PPP1R14C: variants seen among roughly 807,000 people sequenced by gnomAD.
PPP1R14C encodes protein phosphatase 1 regulatory inhibitor subunit 14C.
PPP1R14C carries 16 observed loss-of-function variants against 20.4 expected under a neutral mutation model. The observed-to-expected ratio is 0.78, with a 90% confidence interval of 0.53 to 1.19. The LOEUF (loss-of-function observed/expected upper bound fraction) is 1.19, where lower values mean the gene tolerates loss of function less well. Among genes scored for constraint, PPP1R14C ranks in the 50% most tolerant of loss-of-function variants. The pLI is 0.00. For synonymous variants in PPP1R14C, 91 were observed against 91.0 expected, an observed-to-expected ratio of 1.00 and a Z score of 0.00; for missense variants, 211 against 220.1, an observed-to-expected ratio of 0.96 and a Z score of 0.26.
Position 150,201,549 on chromosome 6 carries a change from G to A in PPP1R14C, c.307-13195G>A, listed in dbSNP as rs1405034801. The stretch of plus-strand genomic sequence containing the variant: ...TGAGGCATTGAATGGAGAGGAGGCC[G>A]GGAGCCCAGCAGGGGAAGCCTTCCA... On this transcript the variant is annotated intron_variant, in intron 1 of 3. Transcript: ENST00000361131. The surrounding 1 kb of genome is among the most constrained non-coding windows in gnomAD (Gnocchi z 4.2). 5.3e-5 allele frequency among the ~76,000 whole-genome samples: 8 copies of A among 152,132 alleles called. No homozygotes were observed. The highest frequency in any genetic ancestry group is 8.8e-5 in the Non-Finnish European group (6 of 68,016).
chr6:150,207,934 G>A (rs934647070), intron 1 of PPP1R14C, among the ~76,000 whole-genome samples: 1 of 152,074 alleles, frequency 6.6e-6, no homozygotes, highest in East Asian at 1.9e-4. Flanking sequence ...GGCTTCTGGT[G>A]ACAGCGTTCA....
At chr6:150,218,037 A>C (rs1025107134) in intron 3 of PPP1R14C, among the ~76,000 whole-genome samples, 3 of 152,190 alleles carry the variant, frequency 2.0e-5, no homozygotes, top group African/African-American at 7.2e-5. Context: ...CCACACCTGT[A>C]ATCCCAGGCC....
At chr6:150,214,712 A>T in intron 1 of PPP1R14C, 32 bp from the exon 2 acceptor site, 1 of 1,550,920 alleles carries the variant, frequency 6.4e-7, no homozygotes, top group Non-Finnish European at 8.9e-7. Context: ...TTACTAAATT[A>T]AATGCCTTCA....
intron 3 of PPP1R14C, among the ~76,000 whole-genome samples, chr6:150,227,373 T>C (rs1365557615): frequency 1.3e-4 from 20 of 152,186 alleles, no homozygotes; most frequent in Admixed American, 1.2e-3. Context: ...CACAGTAAAC[T>C]ATGGTGGAAA....
chr6:150,179,442 G>GGAGA (rs561826013), intron 1 of PPP1R14C, among the ~76,000 whole-genome samples: 4 of 144,226 alleles, frequency 2.8e-5, no homozygotes, highest in African/African-American at 9.9e-5. Context: ...AGGGAGGGAG[G>GGAGA]GAGGGTCGGC....
rs374702933 is a variant in PPP1R14C at position 150,154,318 on chromosome 6, C to T, written c.306+10820C>T. Among the ~76,000 whole-genome samples the T allele has an allele frequency of 2.6e-5, 4 of 152,154 alleles. No individual in the cohort carries two copies. The South Asian group carries it at 8.3e-4, about 32-fold the overall frequency. ...TTTGTGGCTGTGGGAACCTTGCTGG[C>T]ACCTATGAGATTAATTCCTGTCGGC... On this transcript the variant is annotated intron_variant, in intron 1 of 3. Transcript: ENST00000361131.
intron 2 of PPP1R14C, among the ~76,000 whole-genome samples, chr6:150,215,844 A>C (rs1319992419): frequency 1.3e-5 from 2 of 152,170 alleles, no homozygotes; most frequent in East Asian, 1.9e-4. Flanking sequence ...GCTGCATTGC[A>C]CTTAAACCCC....
intron 1 of PPP1R14C, among the ~76,000 whole-genome samples, chr6:150,197,567 T>C (rs1204051055): frequency 2.0e-5 from 3 of 152,220 alleles, no homozygotes; most frequent in African/African-American, 7.2e-5. Context: ...CAGGCTGCCG[T>C]GGGAAGGCTG....
rs1032722018 is a variant in PPP1R14C, at chr6:150,143,142, G to C, written c.-51G>C. 4 of 1,194,386 alleles carry C rather than the reference G, an allele frequency of 3.3e-6. No individual in the cohort carries two copies. The African/African-American group carries it at 6.4e-5, about 19-fold the overall frequency. 74.0% of individuals were successfully genotyped at this position (1,194,386 alleles called of 1,614,324 possible). On this transcript the variant is annotated 5_prime_UTR_variant, in exon 1 of 4. Coordinates refer to ENST00000361131, the MANE Select transcript of PPP1R14C (RefSeq NM_030949.3). The surrounding 1 kb of genome is among the most constrained non-coding windows in gnomAD (Gnocchi z 5.6). ...CGGAGGTGGTAGCGGCGCCGGGCGCGCTCCGCCCGCCCCTCCTCCGGGCCG... is the reference window on the plus strand; with the variant it reads ...CGGAGGTGGTAGCGGCGCCGGGCGCCCTCCGCCCGCCCCTCCTCCGGGCCG...
chr6:150,211,414 G>T lies in PPP1R14C; in HGVS notation c.307-3330G>T, dbSNP rs771856210. ...ACTTTCCCCAGCAGCTGTGAAGACA[G>T]TTGTTTCACTTTTTGTCACCAGAGC... is the stretch of plus-strand genomic sequence containing the variant. On this transcript the variant is annotated intron_variant, in intron 1 of 3. Transcript: ENST00000361131. Among the ~76,000 whole-genome samples the T allele has an allele frequency of 2.0e-5, 3 of 152,198 alleles. 1 individual carries two copies. The highest frequency in any genetic ancestry group is 4.1e-4 in the South Asian group (2 of 4,830).
chr6:150,151,696 T>C (rs1035231535), intron 1 of PPP1R14C, among the ~76,000 whole-genome samples: 2 of 152,226 alleles, frequency 1.3e-5, no homozygotes, highest in African/African-American at 4.8e-5. Context: ...TGGTGTTATC[T>C]TCATTTCTTC....
chr6:150,200,735 C>G (rs1210595882), intron 1 of PPP1R14C, among the ~76,000 whole-genome samples: 1 of 152,222 alleles, frequency 6.6e-6, no homozygotes, highest in African/African-American at 2.4e-5. Context: ...CCAGAAATGG[C>G]TAGTTACTCC....
chr6:150,245,309 T>C (rs1350874700), intron 3 of PPP1R14C, among the ~76,000 whole-genome samples: 28 of 152,336 alleles, frequency 1.8e-4, no homozygotes, highest in Non-Finnish European at 1.5e-5. Flanking sequence ...GTTATCTTCA[T>C]AAGACCCACA....
Position 150,213,788 on chromosome 6 carries a change from G to T in PPP1R14C, c.307-956G>T, listed in dbSNP as rs186477382. Reference sequence around the variant, plus strand: ...TGGGGTCTTTCACCAAATCCATCTGGCCCTTCTTCCCTCTTTTTGGGCTAG... The same window carrying T: ...TGGGGTCTTTCACCAAATCCATCTGTCCCTTCTTCCCTCTTTTTGGGCTAG... On this transcript the variant is annotated intron_variant, in intron 1 of 3. Transcript: ENST00000361131. Among the ~76,000 whole-genome samples, 5 of 152,266 alleles carry T rather than the reference G, an allele frequency of 3.3e-5. No homozygotes were observed. In the East Asian group the frequency reaches 9.7e-4, roughly 29 times the overall value.
intron 1 of PPP1R14C, among the ~76,000 whole-genome samples, chr6:150,187,436 G>A (rs921407840): frequency 6.6e-6 from 1 of 152,064 alleles, no homozygotes; most frequent in African/African-American, 2.4e-5. Flanking sequence ...ACTTTTTCCT[G>A]ATCCTCTCCC....
In PPP1R14C at chr6:150,143,333, G is replaced by A. The variant is rs1193106663; in HGVS notation, c.141G>A (p.Ser47=). The A allele has an allele frequency of 2.5e-6, 4 of 1,602,518 alleles. No homozygotes were observed. Residue 47 remains serine (S), a synonymous_variant, in exon 1 of 4, where the codon TCG becomes TCA. Coordinates refer to ENST00000361131, the MANE Select transcript of PPP1R14C (RefSeq NM_030949.3). The surrounding 1 kb of genome is among the most constrained non-coding windows in gnomAD (Gnocchi z 5.6). ...GCTCAGGCTCCTCCCGGGAGGACTC[G>A]GCGCCCGTGGCCACGGCGGCCGCTG... The part of the protein sequence containing the change: ...SSGSGSSRED[S]APVATAAAAG...
At chr6:150,204,073 C>T (rs369042633) in intron 1 of PPP1R14C, among the ~76,000 whole-genome samples, 25 of 152,342 alleles carry the variant, frequency 1.6e-4, no homozygotes, top group African/African-American at 3.6e-4. Context: ...GAAAGAAGGG[C>T]CCTGAGAAGA....
At chr6:150,200,600 C>A (rs571842809) in intron 1 of PPP1R14C, among the ~76,000 whole-genome samples, 1 of 152,286 alleles carries the variant, frequency 6.6e-6, no homozygotes, top group South Asian at 2.1e-4. Context: ...TTTGGACACA[C>A]CCCTAGGTGC....
At chr6:150,236,351 A>G (rs1344857368) in intron 3 of PPP1R14C, among the ~76,000 whole-genome samples, 3 of 152,178 alleles carry the variant, frequency 2.0e-5, no homozygotes. Context: ...GCAAACTAGA[A>G]ATGCACACAC....
Sources: gnomAD v4.1 joint callset for allele counts (sites outside exome capture counted in the v4.1 genomes callset) on GRCh38, gnomAD v4.1.1 for gene constraint, Gnocchi (gnomAD v3.1) non-coding constraint, MANE v1.5 for transcripts, NCBI Gene and HGNC (gene_info 2026-07-23, HGNC 2026-07-21) for gene names.